INHBB: variants seen among roughly 807,000 people sequenced by gnomAD.
INHBB encodes inhibin subunit beta B.
In INHBB, 8 loss-of-function variants were observed where a neutral mutation model predicts 28.9. The observed-to-expected ratio is 0.28, with a 90% CI of 0.16 to 0.50. The LOEUF (loss-of-function observed/expected upper bound fraction) is 0.50, where lower values mean the gene tolerates loss of function less well. INHBB is among the 20% of genes least tolerant of loss of function. The probability of loss-of-function intolerance (pLI) is 0.98; values close to 1 mark genes in which losing one functional copy is unlikely to be tolerated. For missense variants in INHBB, 499 were observed against 597.8 expected (o/e 0.83, Z 1.72); for synonymous variants, 293 against 262.7 (o/e 1.12, Z -1.12).
chr2:120,346,401 C>T lies in INHBB; in HGVS notation c.213C>T (p.Asp71=). The T allele has an allele frequency of 6.5e-7, 1 of 1,539,158 alleles. No homozygotes were observed. Among genetic ancestry groups the T allele is most frequent in the Non-Finnish European group, 8.7e-7 (1 of 1,149,750 alleles). ...FRRPEELGRV[D]GDFLEAVKRH... ...GGCCAGAGGAGCTCGGCCGAGTGGA[C>T]GGCGACTTCCTGGAGGCGGTGAAGC... Residue 71 remains aspartate, a synonymous_variant, in exon 1 of 2, where the codon GAC becomes GAT. Transcript: ENST00000295228.
chr2:120,349,680 C>A lies in INHBB; in HGVS notation c.1030C>A (p.Pro344Thr), dbSNP rs61737547. 1 of 1,613,828 alleles carries A rather than the reference C, an allele frequency of 6.2e-7. No individual in the cohort carries two copies. Among genetic ancestry groups the A allele is most frequent in the Admixed American group, 1.7e-5 (1 of 60,032 alleles). Reference sequence around the variant, plus strand: ...CTGCCCAGCCTACCTGGCAGGGGTCCCCGGCTCTGCCTCCTCCTTCCACAC... The same window carrying A: ...CTGCCCAGCCTACCTGGCAGGGGTCACCGGCTCTGCCTCCTCCTTCCACAC... Reference protein sequence around the residue: ...GSCPAYLAGVPGSASSFHTAV... With the variant: ...GSCPAYLAGVTGSASSFHTAV... The change falls in exon 2 of 2, where the codon CCC becomes ACC. Residue 344 changes from proline to threonine, a missense_variant. Transcript: ENST00000295228. The surrounding 1 kb of genome is among the most constrained non-coding windows in gnomAD (Gnocchi z 5.6).
At chr2:120,348,938 ACAGT>A (rs1189834839) in intron 1 of INHBB, among the ~76,000 whole-genome samples, 157 bp from the exon 2 acceptor site, 1 of 152,142 alleles carries the variant, frequency 6.6e-6, no homozygotes, top group African/African-American at 2.4e-5. Flanking sequence ...CTCCCAGGTT[ACAGT>A]CAGAGGCCCT....
Position 120,349,307 on chromosome 2 carries a change from G to T in INHBB, c.657G>T (p.Val219=). 6.2e-7 allele frequency: 1 copy of T among 1,614,168 alleles called. No homozygotes were observed. Among genetic ancestry groups the T allele is most frequent in the South Asian group, 1.1e-5 (1 of 91,084 alleles). Residue 219 remains valine (V), a synonymous_variant, in exon 2 of 2, where the codon GTG becomes GTT. Coordinates refer to ENST00000295228, the MANE Select transcript of INHBB (RefSeq NM_002193.4). This position sits in a 1 kb window ranked among gnomAD's most constrained non-coding sequence, Gnocchi z 5.6. ...GDRWNMVEKR[V]DLKRSGWHTF... is the part of the protein sequence containing the mutation. ...GGTGGAACATGGTGGAGAAGAGGGT[G>T]GACCTCAAGCGCAGCGGCTGGCATA...
rs548880443 is a variant in INHBB, at chr2:120,351,216, A to G, written c.*1342A>G. 5 of 152,664 alleles carry G rather than the reference A, an allele frequency of 3.3e-5. No individual in the cohort carries two copies. Among genetic ancestry groups the G allele is most frequent in the Non-Finnish European group, 5.9e-5 (4 of 68,036 alleles). 9.5% of individuals were successfully genotyped at this position (152,664 alleles called of 1,614,324 possible). A position where few individuals can be genotyped will look rare whatever the true frequency, so the allele number is the denominator to read the frequency against. On this transcript the variant is annotated 3_prime_UTR_variant, in exon 2 of 2. Coordinates refer to ENST00000295228, the MANE Select transcript of INHBB (RefSeq NM_002193.4). ...GTCCAAGTGCCACGTGAACTATGCA[A>G]TTTAAAGGGTTGACCCACACTAGAC...
At position 120,351,216 on chromosome 2, in the gene INHBB, A is replaced by T. The variant is rs548880443; in HGVS notation, c.*1342A>T. On this transcript the variant is annotated 3_prime_UTR_variant, in exon 2 of 2. Coordinates refer to ENST00000295228, the MANE Select transcript of INHBB (RefSeq NM_002193.4). ...GTCCAAGTGCCACGTGAACTATGCA[A>T]TTTAAAGGGTTGACCCACACTAGAC... The T allele has an allele frequency of 6.6e-6, 1 of 152,664 alleles. No homozygotes were observed. The highest frequency in any genetic ancestry group is 1.5e-5 in the Non-Finnish European group (1 of 68,036). 9.5% of individuals were successfully genotyped at this position (152,664 alleles called of 1,614,324 possible).
At position 120,349,380 on chromosome 2, in the gene INHBB, C is replaced by A; in HGVS notation, c.730C>A (p.Arg244=). 1.9e-6 allele frequency: 3 copies of A among 1,613,924 alleles called. No homozygotes were observed. Among genetic ancestry groups the A allele is most frequent in the Non-Finnish European group, 2.5e-6 (3 of 1,180,026 alleles). Residue 244 remains arginine (R), a synonymous_variant, in exon 2 of 2, where the codon CGG becomes AGG. Transcript: ENST00000295228. This position sits in a 1 kb window ranked among gnomAD's most constrained non-coding sequence, Gnocchi z 5.6. ...AIQALFERGE[R]RLNLDVQCDS... is the part of the protein sequence containing the mutation. ...CCAGGCCTTGTTTGAGCGGGGCGAG[C>A]GGCGACTCAACCTAGACGTGCAGTG...
Position 120,349,786 on chromosome 2 carries a change from C to T in INHBB, c.1136C>T (p.Thr379Ile). ...TGCTGCATTCCCACCAAGCTGAGCA[C>T]CATGTCCATGCTGTACTTCGATGAT... ...NSCCIPTKLS[T>I]MSMLYFDDEY... The change falls in exon 2 of 2, where the codon ACC (threonine) becomes ATC (isoleucine). Residue 379 changes from threonine to isoleucine, a missense_variant. By Grantham distance (89) the Thr-to-Ile change is moderately conservative (BLOSUM62 -1). Coordinates refer to ENST00000295228, the MANE Select transcript of INHBB (RefSeq NM_002193.4). The surrounding 1 kb of genome is among the most constrained non-coding windows in gnomAD (Gnocchi z 5.6). The T allele has an allele frequency of 1.2e-6, 2 of 1,613,366 alleles. No individual in the cohort carries two copies. Among genetic ancestry groups the T allele is most frequent in the Non-Finnish European group, 1.7e-6 (2 of 1,180,042 alleles).
chr2:120,347,889 G>C (rs1406048110), intron 1 of INHBB, among the ~76,000 whole-genome samples: 1 of 152,152 alleles, frequency 6.6e-6, no homozygotes, highest in African/African-American at 2.4e-5. Flanking sequence ...TAGAGGGCTC[G>C]GATTAAAAGG....
At position 120,346,341 on chromosome 2, in the gene INHBB, G is replaced by T. The variant is rs1442409856; in HGVS notation, c.153G>T (p.Ser51=). Residue 51 remains serine, a synonymous_variant, in exon 1 of 2, where the codon TCG becomes TCT. Coordinates refer to ENST00000295228, the MANE Select transcript of INHBB (RefSeq NM_002193.4). ...PPPPPGSPGG[S]QDTCTSCGGF... is the part of the protein sequence containing the mutation. ...CGCCACCCGGATCCCCGGGTGGCTC[G>T]CAGGACACCTGTACGTCGTGCGGCG... is the stretch of plus-strand genomic sequence containing the variant. The T allele has an allele frequency of 2.9e-6, 4 of 1,400,956 alleles. No homozygotes were observed. The highest frequency in any genetic ancestry group is 3.7e-6 in the Non-Finnish European group (4 of 1,084,638). 86.8% of individuals were successfully genotyped at this position (1,400,956 alleles called of 1,614,324 possible).
chr2:120,348,687 A>G (rs1027675049), intron 1 of INHBB, among the ~76,000 whole-genome samples: 2 of 151,140 alleles, frequency 1.3e-5, no homozygotes, highest in African/African-American at 4.9e-5. Context: ...AAGCCCTACT[A>G]AAACCACCCA....
chr2:120,348,548 T>A (rs1473420957), intron 1 of INHBB, among the ~76,000 whole-genome samples: 1 of 151,712 alleles, frequency 6.6e-6, no homozygotes, highest in African/African-American at 2.4e-5. Context: ...CAGAGCCTGC[T>A]TGTTTGCAGT....
Position 120,346,316 on chromosome 2 carries a change from C to T in INHBB, c.128C>T (p.Pro43Leu). The stretch of plus-strand genomic sequence containing the variant: ...ACGCCTGCCGCGCCGCCGCCACCCC[C>T]GCCACCCGGATCCCCGGGTGGCTCG... ...PPTPAAPPPP[P>L]PPGSPGGSQD... The change falls in exon 1 of 2, where the codon CCG (proline) becomes CTG (leucine). Residue 43 changes from proline to leucine, a missense_variant. By Grantham distance (98) the Pro-to-Leu change is moderately conservative. Transcript: ENST00000295228. 5 of 1,385,322 alleles carry T rather than the reference C, an allele frequency of 3.6e-6. No individual in the cohort carries two copies. The highest frequency in any genetic ancestry group is 4.6e-6 in the Non-Finnish European group (5 of 1,076,790). The allele number at this position is 1,385,322 out of a possible 1,614,324, so 85.8% of individuals were successfully genotyped here.
In INHBB at chr2:120,349,949, C is replaced by T; in HGVS notation, c.*75C>T. The T allele has an allele frequency of 1.5e-5, 21 of 1,420,556 alleles. No homozygotes were observed. Among genetic ancestry groups the T allele is most frequent in the Admixed American group, 1.9e-5 (1 of 51,504 alleles). 88.0% of individuals were successfully genotyped at this position (1,420,556 alleles called of 1,614,324 possible). The stretch of plus-strand genomic sequence containing the variant: ...GGGCTTCTTCCAGCCCCCGCGGGAA[C>T]GGGGGTACACGGTGGGCTGAGTACA... On this transcript the variant is annotated 3_prime_UTR_variant, in exon 2 of 2. Coordinates refer to ENST00000295228, the MANE Select transcript of INHBB (RefSeq NM_002193.4). The surrounding 1 kb of genome is among the most constrained non-coding windows in gnomAD (Gnocchi z 5.6).
chr2:120,348,830 G>A (rs1162545275), intron 1 of INHBB, among the ~76,000 whole-genome samples: 1 of 152,070 alleles, frequency 6.6e-6, no homozygotes, highest in Non-Finnish European at 1.5e-5. Context: ...TCTCCAGGGA[G>A]CCCTGGCCTG....
In INHBB at chr2:120,349,694, C is replaced by G. The variant is rs1218454939; in HGVS notation, c.1044C>G (p.Ser348=). 1 of 1,613,760 alleles carries G rather than the reference C, an allele frequency of 6.2e-7. No homozygotes were observed. The highest frequency in any genetic ancestry group is 2.2e-5 in the East Asian group (1 of 44,892). The change falls in exon 2 of 2, where the codon TCC becomes TCG. Residue 348 remains serine, a synonymous_variant. Transcript: ENST00000295228. The surrounding 1 kb of genome is among the most constrained non-coding windows in gnomAD (Gnocchi z 5.6). Reference sequence around the variant, plus strand: ...TGGCAGGGGTCCCCGGCTCTGCCTCCTCCTTCCACACGGCTGTGGTGAACC... The same window carrying G: ...TGGCAGGGGTCCCCGGCTCTGCCTCGTCCTTCCACACGGCTGTGGTGAACC... ...AYLAGVPGSA[S]SFHTAVVNQY... is the part of the protein sequence containing the mutation.
chr2:120,346,860 C>G (rs763741056), intron 1 of INHBB, among the ~76,000 whole-genome samples: 2 of 152,352 alleles, frequency 1.3e-5, no homozygotes, highest in East Asian at 3.9e-4. Context: ...CCCCCGCCGC[C>G]GATCGCCTGG....
intron 1 of INHBB, among the ~76,000 whole-genome samples, chr2:120,348,089 C>T (rs1334688774): frequency 6.6e-6 from 1 of 151,998 alleles, no homozygotes; most frequent in African/African-American, 2.4e-5. Flanking sequence ...GCTGCAGTTT[C>T]CCCCATTTCA....
Position 120,346,208 on chromosome 2 carries a change from G to A in INHBB, c.20G>A (p.Arg7Gln). The change falls in exon 1 of 2, where the codon CGG (arginine) becomes CAG (glutamine). Residue 7 changes from arginine (R) to glutamine (Q), a missense_variant. By Grantham distance (43) the Arg-to-Gln change is conservative. This residue lies in a region of INHBB where 385 missense variants were observed against 415.2 expected (regional missense o/e 0.93). Coordinates refer to ENST00000295228, the MANE Select transcript of INHBB (RefSeq NM_002193.4). MDGLPG[R>Q]ALGAACLLLL... ...CGCACCATGGACGGGCTGCCCGGTC[G>A]GGCGCTGGGGGCCGCCTGCCTTCTG... is the stretch of plus-strand genomic sequence containing the variant. 2.5e-6 allele frequency: 3 copies of A among 1,203,510 alleles called. No homozygotes were observed. The highest frequency in any genetic ancestry group is 2.1e-6 in the Non-Finnish European group (2 of 970,482). The allele number at this position is 1,203,510 out of a possible 1,614,324, so 74.6% of individuals were successfully genotyped here.
At chr2:120,348,989 C>G in intron 1 of INHBB, 110 bp from the exon 2 acceptor site, 1 of 1,274,454 alleles carries the variant, frequency 7.8e-7, no homozygotes, top group Non-Finnish European at 1.1e-6. Flanking sequence ...GTAACGTTTT[C>G]CAGCTGTGTG....
Sources: allele counts gnomAD v4.1 joint callset (sites outside exome capture counted in the v4.1 genomes callset), GRCh38; gene constraint gnomAD v4.1.1; regional missense constraint gnomAD v4.1.1; non-coding constraint Gnocchi (gnomAD v3.1); transcripts MANE v1.5; gene names NCBI Gene and HGNC (gene_info 2026-07-23, HGNC 2026-07-21).